The following ROBO2 variants were observed in gnomAD, a reference collection of about 807,000 sequenced individuals.
ROBO2 encodes roundabout guidance receptor 2.
A neutral mutation model predicts 160.8 loss-of-function variants in ROBO2; 53 were observed. That is an observed-to-expected ratio of 0.33 (90% CI 0.26 to 0.41). The LOEUF is 0.41. Ranked by LOEUF, ROBO2 falls within the 10% of genes least tolerant of loss-of-function variation. The pLI, the probability that ROBO2 is intolerant of heterozygous loss-of-function variation, is 1.00. For synonymous variants in ROBO2, 664 were observed against 611.7 expected, an observed-to-expected ratio of 1.09 and a Z score of -1.26; for missense variants, 1,577 against 1,722.4, an observed-to-expected ratio of 0.92 and a Z score of 1.49.
intron 2 of ROBO2, among the ~76,000 whole-genome samples, chr3:77,186,854 G>A (rs1211900579): frequency 6.6e-6 from 1 of 151,842 alleles, no homozygotes; most frequent in Admixed American, 6.6e-5. Context: ...CCTTTGATTA[G>A]GCAATATTAT....
chr3:76,781,988 A>G (rs866909718), intron 2 of ROBO2, among the ~76,000 whole-genome samples: 1 of 150,712 alleles, frequency 6.6e-6, no homozygotes, highest in South Asian at 2.1e-4. Context: ...CCATCGGATC[A>G]TGGCTTGTTG....
chr3:77,014,086 G>A (rs1289881252), intron 2 of ROBO2, among the ~76,000 whole-genome samples: 1 of 150,184 alleles, frequency 6.7e-6, no homozygotes. Context: ...TTTCCTTTTA[G>A]TGAGGTCTGT....
chr3:77,261,768 ATTT>A lies in ROBO2; in HGVS notation c.388+163443_388+163445del, dbSNP rs10710219. Among the ~76,000 whole-genome samples the A allele has an allele frequency of 2.1e-3, 279 of 135,612 alleles. 1 individual carries two copies. Among genetic ancestry groups the A allele is most frequent in the African/African-American group, 7.3e-3 (260 of 35,800 alleles). The allele number at this position is 135,612 out of a possible 152,430, so 89.0% of individuals were successfully genotyped here. On this transcript the variant is annotated intron_variant, in intron 2 of 25. Transcript: ENST00000461745. Reference sequence around the variant, plus strand: ...TTGTTGCCAAAGGATTTCTGATTTCATTTTTTTTTTTTTTTTTGTAAGACAGGG... The same window carrying A: ...TTGTTGCCAAAGGATTTCTGATTTCATTTTTTTTTTTTTTGTAAGACAGGG...
At chr3:76,911,024 A>G (rs2148930463) in intron 2 of ROBO2, among the ~76,000 whole-genome samples, 1 of 152,292 alleles carries the variant, frequency 6.6e-6, no homozygotes, top group South Asian at 2.1e-4. Flanking sequence ...GTTGGCGTGC[A>G]TTTGGAAAGG....
chr3:76,787,357 C>A (rs1327558588), intron 2 of ROBO2, among the ~76,000 whole-genome samples: 4 of 150,624 alleles, frequency 2.7e-5, no homozygotes, highest in African/African-American at 9.7e-5. Flanking sequence ...CACACACACA[C>A]ACACACACAG....
At chr3:76,044,982 G>C (rs1228946916) in intron 2 of ROBO2, among the ~76,000 whole-genome samples, 1 of 152,148 alleles carries the variant, frequency 6.6e-6, no homozygotes, top group East Asian at 1.9e-4. Flanking sequence ...CCAAGTTGCA[G>C]GTGAAACGGA....
intron 2 of ROBO2, among the ~76,000 whole-genome samples, chr3:76,768,703 A>G (rs1008904799): frequency 6.6e-5 from 10 of 150,938 alleles, no homozygotes; most frequent in Admixed American, 6.6e-4. Flanking sequence ...ATTATGTTAA[A>G]TTTTAGGCTA....
At chr3:77,210,446 A>G (rs2083984029) in intron 2 of ROBO2, among the ~76,000 whole-genome samples, 1 of 152,200 alleles carries the variant, frequency 6.6e-6, no homozygotes, top group Non-Finnish European at 1.5e-5. Flanking sequence ...TCATATAACA[A>G]TACAATATAC....
intron 2 of ROBO2, among the ~76,000 whole-genome samples, chr3:76,496,474 CAT>C (rs1044417543): frequency 6.6e-6 from 1 of 152,184 alleles, no homozygotes; most frequent in East Asian, 1.9e-4. Context: ...TGGAAAATTT[CAT>C]ATGTTACTAA....
chr3:77,598,545 C>G (rs1248198287), intron 19 of ROBO2, among the ~76,000 whole-genome samples: 2 of 63,186 alleles, frequency 3.2e-5, no homozygotes, highest in Admixed American at 1.6e-4. Flanking sequence ...ATATATATCC[C>G]AAAGCTTGGC....
intron 2 of ROBO2, among the ~76,000 whole-genome samples, chr3:76,243,854 A>T (rs1253664635): frequency 2.0e-5 from 3 of 152,196 alleles, no homozygotes; most frequent in Admixed American, 2.0e-4. Context: ...TAAAATAGAA[A>T]CCAACATTTT....
At chr3:77,292,132 A>G (rs1490701390) in intron 2 of ROBO2, among the ~76,000 whole-genome samples, 14 of 150,634 alleles carry the variant, frequency 9.3e-5, no homozygotes, top group African/African-American at 2.7e-4. Context: ...CACCCCAGAC[A>G]TAAAGTAAAA....
At chr3:77,388,417 AAAAC>A (rs760451280) in intron 2 of ROBO2, among the ~76,000 whole-genome samples, 12 of 152,102 alleles carry the variant, frequency 7.9e-5, no homozygotes, top group East Asian at 1.9e-4. Flanking sequence ...CTTGTCTCTA[AAAAC>A]AAACAAACAA....
chr3:76,247,454 T>A (rs956520835), intron 2 of ROBO2, among the ~76,000 whole-genome samples: 28 of 152,298 alleles, frequency 1.8e-4, no homozygotes, highest in African/African-American at 6.7e-4. Flanking sequence ...ATTTTAACAT[T>A]ACATTTAGAA....
chr3:77,383,718 G>A (rs1046729283), intron 2 of ROBO2, among the ~76,000 whole-genome samples: 1 of 151,242 alleles, frequency 6.6e-6, no homozygotes, highest in Admixed American at 6.6e-5. Flanking sequence ...AAAAGAGGTT[G>A]ACTAAGTGCC....
intron 1 of ROBO2, among the ~76,000 whole-genome samples, chr3:77,087,790 A>G (rs1482974804): frequency 2.6e-5 from 4 of 152,058 alleles, no homozygotes; most frequent in African/African-American, 9.7e-5. Context: ...ACATATATGT[A>G]TGTATTCATC....
intron 2 of ROBO2, among the ~76,000 whole-genome samples, chr3:76,834,676 A>T (rs1348101090): frequency 2.0e-5 from 3 of 151,978 alleles, no homozygotes; most frequent in Middle Eastern, 3.2e-3. Flanking sequence ...TAATTTTTAA[A>T]TTTTTTTGTA....
chr3:76,137,127 C>T (rs1056147421), intron 2 of ROBO2, among the ~76,000 whole-genome samples: 1 of 151,916 alleles, frequency 6.6e-6, no homozygotes, highest in Non-Finnish European at 1.5e-5. Context: ...AGGGTTCAAC[C>T]TTATATTCTT....
intron 2 of ROBO2, among the ~76,000 whole-genome samples, chr3:76,282,313 G>A (rs1708274422): frequency 6.6e-6 from 1 of 151,918 alleles, no homozygotes; most frequent in Non-Finnish European, 1.5e-5. Flanking sequence ...TGTCAATCAT[G>A]GAGATACAAA....
Sources: allele counts gnomAD v4.1 joint callset (sites outside exome capture counted in the v4.1 genomes callset), GRCh38; gene constraint gnomAD v4.1.1; transcripts MANE v1.5; gene names NCBI Gene and HGNC (gene_info 2026-07-23, HGNC 2026-07-21).